DPP10: variants seen among roughly 807,000 people sequenced by gnomAD.
The protein encoded by DPP10 is inactive dipeptidyl peptidase 10.
In DPP10, 33 loss-of-function variants were observed where a neutral mutation model predicts 120.9. That is an observed-to-expected ratio of 0.27 (90% CI 0.21 to 0.37). The LOEUF is 0.37. Among genes scored for constraint, DPP10 ranks in the 10% least tolerant of loss-of-function variants. The pLI, the probability that DPP10 is intolerant of heterozygous loss-of-function variation, is 1.00. For missense variants in DPP10, 816 were observed against 942.8 expected, an observed-to-expected ratio of 0.87 and a Z score of 1.76; for synonymous variants, 337 against 326.1, an observed-to-expected ratio of 1.03 and a Z score of -0.36.
intron 3 of DPP10, among the ~76,000 whole-genome samples, chr2:115,371,544 G>C (rs1039143916): frequency 2.0e-5 from 3 of 151,816 alleles, no homozygotes; most frequent in African/African-American, 7.3e-5. Flanking sequence ...TGATTGTTCT[G>C]CCCTTTTCAA....
At chr2:115,227,003 A>G (rs376117114) in intron 1 of DPP10, among the ~76,000 whole-genome samples, 1 of 152,162 alleles carries the variant, frequency 6.6e-6, no homozygotes, top group Admixed American at 6.6e-5. Flanking sequence ...CATCAAACAA[A>G]TCTCATTTTT....
chr2:115,211,861 T>A (rs971742934), intron 1 of DPP10, among the ~76,000 whole-genome samples: 1 of 152,262 alleles, frequency 6.6e-6, no homozygotes, highest in East Asian at 1.9e-4. Context: ...AGTGTTAGAA[T>A]TGTTTTCCTA....
At chr2:115,033,547 C>T in intron 1 of DPP10, among the ~76,000 whole-genome samples, 1 of 152,140 alleles carries the variant, frequency 6.6e-6, no homozygotes, top group East Asian at 1.9e-4. Flanking sequence ...CATTTCCACT[C>T]TTCTCATTTA....
At chr2:115,639,477 A>G (rs2086604415) in intron 5 of DPP10, among the ~76,000 whole-genome samples, 1 of 152,198 alleles carries the variant, frequency 6.6e-6, no homozygotes, top group African/African-American at 2.4e-5. Flanking sequence ...AGTCAGGTGC[A>G]GTAGACAAAC....
rs555248249 is a variant in DPP10 at position 115,813,139 on chromosome 2, G to A, written c.1701-1654G>A. The stretch of plus-strand genomic sequence containing the variant: ...TGGGACTACAGGCGCCCGCCACCGC[G>A]CCCGGCTAATTTTTTGTATTTTTAG... On this transcript the variant is annotated intron_variant, in intron 19 of 25. Transcript: ENST00000410059. Among the ~76,000 whole-genome samples, 31 of 146,948 alleles carry A rather than the reference G, an allele frequency of 2.1e-4. No individual in the cohort carries two copies. In the South Asian group the frequency reaches 4.2e-3, roughly 20 times the overall value.
chr2:115,182,865 T>G (rs1559199087), intron 1 of DPP10, among the ~76,000 whole-genome samples: 3 of 152,176 alleles, frequency 2.0e-5, no homozygotes, highest in Admixed American at 2.0e-4. Flanking sequence ...TCTTCTTTTG[T>G]TGTCATGGGA....
chr2:114,629,799 CA>C (rs1694784513), intron 1 of DPP10, among the ~76,000 whole-genome samples: 1 of 151,922 alleles, frequency 6.6e-6, no homozygotes, highest in Non-Finnish European at 1.5e-5. Flanking sequence ...GTCAAATATT[CA>C]AAGATGTTTA....
intron 1 of DPP10, among the ~76,000 whole-genome samples, chr2:114,526,034 C>T (rs924174563): frequency 3.3e-5 from 5 of 152,166 alleles, no homozygotes; most frequent in African/African-American, 4.8e-5. Context: ...AATCTTCACA[C>T]GTTTAACTTA....
At chr2:114,808,779 A>T (rs998321853) in intron 1 of DPP10, among the ~76,000 whole-genome samples, 1 of 152,098 alleles carries the variant, frequency 6.6e-6, no homozygotes, top group Admixed American at 6.6e-5. Flanking sequence ...CTCTCCTGGA[A>T]AGCACACATC....
At chr2:115,836,313 G>A (rs1425304016) in intron 22 of DPP10, 57 bp downstream of exon 22, 3 of 1,512,184 alleles carry the variant, frequency 2.0e-6, no homozygotes, top group Non-Finnish European at 9.0e-7. Flanking sequence ...GAAAACGAAA[G>A]CCCAATTTAG....
chr2:115,815,119 G>A (rs758327434), intron 20 of DPP10, 132 bp downstream of exon 20: 2 of 897,040 alleles, frequency 2.2e-6, no homozygotes, highest in Non-Finnish European at 3.1e-6. Context: ...TAATCATAAA[G>A]CCTATTTCAT....
At chr2:115,537,647 C>A (rs1434099014) in intron 5 of DPP10, among the ~76,000 whole-genome samples, 1 of 142,456 alleles carries the variant, frequency 7.0e-6, no homozygotes, top group Admixed American at 7.5e-5. Context: ...TAGGAAAATA[C>A]TATGATACTA....
intron 5 of DPP10, among the ~76,000 whole-genome samples, chr2:115,620,229 T>G (rs1318869118): frequency 1.3e-5 from 2 of 152,198 alleles, no homozygotes; most frequent in East Asian, 3.9e-4. Context: ...ACGTGATCTT[T>G]CTACACTTTT....
At chr2:114,958,616 T>C (rs1698384539) in intron 1 of DPP10, among the ~76,000 whole-genome samples, 2 of 152,206 alleles carry the variant, frequency 1.3e-5, no homozygotes, top group South Asian at 4.1e-4. Context: ...TAAGCATATA[T>C]TGACACATCA....
chr2:115,387,650 T>C (rs775502804), intron 3 of DPP10, among the ~76,000 whole-genome samples: 1 of 152,194 alleles, frequency 6.6e-6, no homozygotes, highest in East Asian at 1.9e-4. Context: ...AATGTTATTG[T>C]TTATCTGAAA....
At chr2:115,274,467 G>A (rs1328501441) in intron 1 of DPP10, among the ~76,000 whole-genome samples, 1 of 151,700 alleles carries the variant, frequency 6.6e-6, no homozygotes, top group Non-Finnish European at 1.5e-5. Context: ...TTTCATTTTT[G>A]TTTAATCTAC....
chr2:115,609,412 G>A (rs1424731076), intron 5 of DPP10, among the ~76,000 whole-genome samples: 1 of 152,030 alleles, frequency 6.6e-6, no homozygotes, highest in African/African-American at 2.4e-5. Context: ...ATCCATCACA[G>A]GAGAGATGAA....
At chr2:114,884,730 C>T (rs1691916526) in intron 1 of DPP10, among the ~76,000 whole-genome samples, 2 of 152,120 alleles carry the variant, frequency 1.3e-5, no homozygotes, top group South Asian at 4.1e-4. Flanking sequence ...CCCCCAATTC[C>T]AAATTCCCAA....
At chr2:115,598,429 A>G (rs1165596781) in intron 5 of DPP10, among the ~76,000 whole-genome samples, 1 of 151,826 alleles carries the variant, frequency 6.6e-6, no homozygotes, top group East Asian at 1.9e-4. Flanking sequence ...TTTCTTTACT[A>G]GCTTTTTACC....
Sources: gnomAD v4.1 joint callset for allele counts (sites outside exome capture counted in the v4.1 genomes callset) on GRCh38, gnomAD v4.1.1 for gene constraint, MANE v1.5 for transcripts, NCBI Gene and HGNC (gene_info 2026-07-23, HGNC 2026-07-21) for gene names.